TEKT5: variants seen among roughly 807,000 people sequenced by gnomAD.
TEKT5 encodes the protein tektin 5.
TEKT5 carries 52 observed loss-of-function variants against 48.7 expected under a neutral mutation model. The observed-to-expected ratio is 1.07, with a 90% CI of 0.86 to 1.35. The LOEUF (loss-of-function observed/expected upper bound fraction) is 1.35, where lower values mean the gene tolerates loss of function less well. TEKT5 is among the 40% of genes most tolerant of loss of function. The pLI, the probability that TEKT5 is intolerant of heterozygous loss-of-function variation, is 0.00. For synonymous variants in TEKT5, 318 were observed against 267.6 expected (o/e 1.19, Z -1.84); for missense variants, 831 against 641.6 (o/e 1.30, Z -3.19).
intron 4 of TEKT5, among the ~76,000 whole-genome samples, chr16:10,681,280 A>G (rs1001708573): frequency 5.3e-5 from 8 of 152,274 alleles, no homozygotes; most frequent in African/African-American, 1.7e-4. Context: ...AGTGGTATAG[A>G]TTCAGAAATG....
At chr16:10,658,271 C>A (rs1332710517) in intron 5 of TEKT5, among the ~76,000 whole-genome samples, 1 of 152,094 alleles carries the variant, frequency 6.6e-6, no homozygotes, top group Non-Finnish European at 1.5e-5. Flanking sequence ...CCTGGGAACG[C>A]CCATGAGAAA....
chr16:10,681,370 ACTCTCTGT>A (rs1242510214), intron 4 of TEKT5, among the ~76,000 whole-genome samples: 133 of 148,040 alleles, frequency 9.0e-4, no homozygotes, highest in South Asian at 2.2e-3. Context: ...TCCAGATTCC[ACTCTCTGT>A]CTCTCTCTCT....
At chr16:10,664,192 G>A (rs149575057) in intron 5 of TEKT5, among the ~76,000 whole-genome samples, 20 of 152,256 alleles carry the variant, frequency 1.3e-4, no homozygotes, top group African/African-American at 1.2e-4. Flanking sequence ...CAGAGATCTT[G>A]TCTGTTGTTC....
intron 5 of TEKT5, among the ~76,000 whole-genome samples, chr16:10,659,066 T>C (rs1480843106): frequency 6.6e-6 from 1 of 152,172 alleles, no homozygotes; most frequent in Non-Finnish European, 1.5e-5. Context: ...CATTGAAGGA[T>C]GTTTAGTAGC....
intron 3 of TEKT5, among the ~76,000 whole-genome samples, chr16:10,686,357 C>T (rs779558311): frequency 1.4e-4 from 21 of 151,362 alleles, no homozygotes; most frequent in Non-Finnish European, 2.4e-4. Context: ...CTCAGGAGGC[C>T]GAAGCAGGAG....
chr16:10,677,090 C>T lies in TEKT5; in HGVS notation c.864-909G>A, dbSNP rs544344752. On this transcript the variant is annotated intron_variant, in intron 4 of 6. Transcript: ENST00000283025. ...CCTGTGGTCCCAGCTACTTGGGAGG[C>T]GGAGGTGGGAGGATCGCTTGAGCCC... 2.5e-3 allele frequency among the ~76,000 whole-genome samples: 387 copies of T among 152,230 alleles called. 2 individuals carry two copies. The highest frequency in any genetic ancestry group is 6.8e-3 in the Middle Eastern group (2 of 292).
intron 5 of TEKT5, chr16:10,671,756 G>A (rs1375246899): frequency 1.3e-5 from 2 of 152,236 alleles, no homozygotes; most frequent in African/African-American, 4.8e-5. Flanking sequence ...GGAAGGCAGA[G>A]GAGGAGCAAA....
At chr16:10,643,521 A>T (rs1898025382) in intron 5 of TEKT5, among the ~76,000 whole-genome samples, 1 of 152,274 alleles carries the variant, frequency 6.6e-6, no homozygotes, top group Admixed American at 6.5e-5. Flanking sequence ...GCTGTCCAAC[A>T]TGAGGCCGAG....
In TEKT5 at chr16:10,677,031, C is replaced by CA. The variant is rs201319353; in HGVS notation, c.864-851dup. On this transcript the variant is annotated intron_variant, in intron 4 of 6. Coordinates refer to ENST00000283025, the MANE Select transcript of TEKT5 (RefSeq NM_144674.2). ...AAACCCACATCTCTATAAAAAATGTCAAAAAAAAAAGTACCTACATGTGGT... is the reference window on the plus strand; with the variant it reads ...AAACCCACATCTCTATAAAAAATGTCAAAAAAAAAAAGTACCTACATGTGGT... 4.3e-4 allele frequency among the ~76,000 whole-genome samples: 65 copies of CA among 149,440 alleles called. No homozygotes were observed. In the South Asian group the frequency reaches 6.4e-3, roughly 15 times the overall value.
chr16:10,674,147 G>A (rs559546774), intron 5 of TEKT5, among the ~76,000 whole-genome samples: 2 of 151,676 alleles, frequency 1.3e-5, no homozygotes, highest in South Asian at 2.1e-4. Context: ...CATCCCGGAC[G>A]CTTCCTTTGC....
At chr16:10,676,208 G>T (rs372711133) in intron 4 of TEKT5, 27 bp from the exon 5 acceptor site, 4 of 1,610,400 alleles carry the variant, frequency 2.5e-6, no homozygotes, top group Admixed American at 3.3e-5. Context: ...GTGAGTTGCA[G>T]CAGTCCTGGA....
intron 5 of TEKT5, among the ~76,000 whole-genome samples, chr16:10,657,808 G>A (rs1898288581): frequency 6.7e-6 from 1 of 148,636 alleles, no homozygotes; most frequent in East Asian, 2.0e-4. Context: ...TACCGTGTTA[G>A]CCAGGATGTT....
At chr16:10,674,795 A>G (rs1348021273) in intron 5 of TEKT5, among the ~76,000 whole-genome samples, 1 of 151,812 alleles carries the variant, frequency 6.6e-6, no homozygotes, top group East Asian at 1.9e-4. Flanking sequence ...CCCCAAAGAT[A>G]GAGACACAAT....
At chr16:10,633,807 A>T (rs956082651) in intron 6 of TEKT5, among the ~76,000 whole-genome samples, 25 of 152,054 alleles carry the variant, frequency 1.6e-4, no homozygotes, top group Admixed American at 2.6e-4. Flanking sequence ...CGGCCTTCCA[A>T]AGTGGGAGGG....
At chr16:10,675,506 C>T (rs1285126546) in intron 5 of TEKT5, among the ~76,000 whole-genome samples, 1 of 152,084 alleles carries the variant, frequency 6.6e-6, no homozygotes, top group Non-Finnish European at 1.5e-5. Flanking sequence ...AAAAAGCACC[C>T]CACCCCTCAG....
chr16:10,627,759 T>C lies in TEKT5; in HGVS notation c.1282A>G (p.Thr428Ala), dbSNP rs1897774399. The C allele has an allele frequency of 2.5e-6, 4 of 1,614,130 alleles. No homozygotes were observed. Among genetic ancestry groups the C allele is most frequent in the East Asian group, 4.5e-5 (2 of 44,872 alleles). Residue 428 changes from threonine (T) to alanine (A), a missense_variant, in exon 7 of 7, where the codon ACC (threonine) becomes GCC (alanine). Thr to Ala is a moderately conservative substitution (Grantham distance 58). Transcript: ENST00000283025. ...GTCTCCCGCAGCCGCAGCTTGAGGG[T>C]CTGCAGGGTGTCGTCGATGGTGAAC... The part of the protein sequence containing the change: ...EVFTIDDTLQ[T>A]LKLRLRETQD...
chr16:10,674,414 G>C (rs920243158), intron 5 of TEKT5, among the ~76,000 whole-genome samples: 2 of 152,000 alleles, frequency 1.3e-5, no homozygotes, highest in African/African-American at 4.8e-5. Context: ...TGGGAGGACT[G>C]CTTGAGCCCA....
chr16:10,646,438 A>G (rs1299344666), intron 5 of TEKT5, among the ~76,000 whole-genome samples: 4 of 152,234 alleles, frequency 2.6e-5, no homozygotes, highest in Non-Finnish European at 2.9e-5. Flanking sequence ...GATTGCAAGT[A>G]TAACACCCAG....
chr16:10,693,759 G>T (rs1455849091), intron 1 of TEKT5, among the ~76,000 whole-genome samples: 1 of 152,152 alleles, frequency 6.6e-6, no homozygotes, highest in Non-Finnish European at 1.5e-5. Flanking sequence ...AAGGCGGGAA[G>T]ATCAGATCGA....
Sources: gnomAD v4.1 joint callset for allele counts (sites outside exome capture counted in the v4.1 genomes callset) on GRCh38, gnomAD v4.1.1 for gene constraint, MANE v1.5 for transcripts, NCBI Gene and HGNC (gene_info 2026-07-23, HGNC 2026-07-21) for gene names.